The following CACNA1C variants were observed in gnomAD, a reference collection of about 807,000 sequenced individuals.
The protein encoded by CACNA1C is calcium voltage-gated channel subunit alpha1 C.
Under a neutral mutation model 229.0 loss-of-function variants are expected in CACNA1C, and 30 were observed. The ratio of observed to expected loss-of-function variants is 0.13; its 90% CI spans 0.10 to 0.18. CACNA1C has a LOEUF of 0.18. CACNA1C is among the 10% of genes least tolerant of loss of function. The pLI, the probability that CACNA1C is intolerant of heterozygous loss-of-function variation, is 1.00. For synonymous variants in CACNA1C, 1,114 were observed against 1,132.5 expected (o/e 0.98, Z 0.33); for missense variants, 1,658 against 2,845.0 (o/e 0.58, Z 9.49).
At position 2,467,985 on chromosome 12, in the gene CACNA1C, A is replaced by G. The variant is rs1251874494; in HGVS notation, c.757+10279A>G. ...CTGTGCAGCCCTGTGAGCTCCCAGC[A>G]TCCGAGACCTCTTGGAGAGGGACCC... On this transcript the variant is annotated intron_variant, in intron 5 of 46. Transcript: ENST00000399655. This position sits in a 1 kb window ranked among gnomAD's most constrained non-coding sequence, Gnocchi z 4.6. Among the ~76,000 whole-genome samples, 1 of 152,232 alleles carries G rather than the reference A, an allele frequency of 6.6e-6. No homozygotes were observed. Among genetic ancestry groups the G allele is most frequent in the Non-Finnish European group, 1.5e-5 (1 of 68,044 alleles).
chr12:2,557,899 ATG>A lies in CACNA1C; in HGVS notation c.1508+928_1508+929del, dbSNP rs1048947081. On this transcript the variant is annotated intron_variant, in intron 11 of 46. Coordinates refer to ENST00000399655, the MANE Select transcript of CACNA1C (RefSeq NM_000719.7). ...CCTGTCCAGTGGTGAACGTCCATAC[ATG>A]TGTGTTGAATGAATGAGTGGACAGA... is the stretch of plus-strand genomic sequence containing the variant. Among the ~76,000 whole-genome samples, 7 of 152,306 alleles carry A rather than the reference ATG, an allele frequency of 4.6e-5. No homozygotes were observed. In the East Asian group the frequency reaches 1.4e-3, roughly 29 times the overall value.
Position 2,633,820 on chromosome 12 carries a change from T to A in CACNA1C, c.3829-477T>A, listed in dbSNP as rs545251780. ...TGTTTACCTTCTTTTATGTTTTTTT[T>A]AATTTCCTGTTTTTACCCGCCTCCA... On this transcript the variant is annotated intron_variant, in intron 29 of 46. Coordinates refer to ENST00000399655, the MANE Select transcript of CACNA1C (RefSeq NM_000719.7). The surrounding 1 kb of genome is among the most constrained non-coding windows in gnomAD (Gnocchi z 5.8). 116 of 711,024 alleles carry A rather than the reference T, an allele frequency of 1.6e-4. No homozygotes were observed. Among genetic ancestry groups the A allele is most frequent in the Admixed American group, 3.0e-4 (11 of 37,190 alleles). The allele number at this position is 711,024 out of a possible 1,614,324, so 44.0% of individuals were successfully genotyped here. A position where few individuals can be genotyped will look rare whatever the true frequency, so the allele number is the denominator to read the frequency against.
intron 3 of CACNA1C, among the ~76,000 whole-genome samples, chr12:2,294,899 G>A (rs985593200): frequency 6.6e-6 from 1 of 152,106 alleles, no homozygotes; most frequent in African/African-American, 2.4e-5. Flanking sequence ...AGTCACATCT[G>A]CTCCAGTTGT....
chr12:2,077,501 G>A (rs555642030), intron 1 of CACNA1C, among the ~76,000 whole-genome samples: 1 of 152,218 alleles, frequency 6.6e-6, no homozygotes, highest in East Asian at 1.9e-4. Flanking sequence ...GTGTATGCCA[G>A]GCCTTATGTC....
At chr12:2,610,034 A>G (rs1018212477) in intron 27 of CACNA1C, among the ~76,000 whole-genome samples, 1 of 152,172 alleles carries the variant, frequency 6.6e-6, no homozygotes, top group Non-Finnish European at 1.5e-5. Context: ...CTGAGGCAGG[A>G]GAATCGCTTG....
chr12:1,993,091 A>G, intron 1 of CACNA1C: 1 of 854,688 alleles, frequency 1.2e-6, no homozygotes, highest in East Asian at 2.4e-5. Flanking sequence ...TCCAAGGAAG[A>G]ATCTATTCCA....
chr12:2,059,422 T>C (rs10161228), intron 1 of CACNA1C, among the ~76,000 whole-genome samples: 9,010 of 151,718 alleles, frequency 0.059, 318 homozygotes, highest in African/African-American at 0.093. Flanking sequence ...AGACCCTTCC[T>C]TCCCTGGAAG....
intron 9 of CACNA1C, among the ~76,000 whole-genome samples, chr12:2,540,094 C>T (rs935283426): frequency 2.6e-5 from 4 of 152,270 alleles, no homozygotes; most frequent in East Asian, 1.9e-4. Context: ...GGGGAGCGAA[C>T]GCCCCACCTC....
Position 2,666,932 on chromosome 12 carries a change from C to A in CACNA1C, c.4623+150C>A. 1 of 648,706 alleles carries A rather than the reference C, an allele frequency of 1.5e-6. No homozygotes were observed. Among genetic ancestry groups the A allele is most frequent in the Non-Finnish European group, 2.8e-6 (1 of 357,532 alleles). 40.2% of individuals were successfully genotyped at this position (648,706 alleles called of 1,614,324 possible). A position where few individuals can be genotyped will look rare whatever the true frequency, so the allele number is the denominator to read the frequency against. ...CCTTCCAGCTCTAAATTCTCAGACT[C>A]TATGAGGGAATAACAGAGTGAATGC... On this transcript the variant is annotated intron_variant, in intron 37 of 46. Coordinates refer to ENST00000399655, the MANE Select transcript of CACNA1C (RefSeq NM_000719.7). This position sits in a 1 kb window ranked among gnomAD's most constrained non-coding sequence, Gnocchi z 5.3.
intron 3 of CACNA1C, among the ~76,000 whole-genome samples, chr12:2,325,821 C>T (rs767296851): frequency 6.6e-6 from 1 of 152,232 alleles, no homozygotes; most frequent in African/African-American, 2.4e-5. Context: ...ACTCAGGCCA[C>T]GAGCTCTGCG....
At chr12:2,599,270 C>T (rs190277970) in intron 21 of CACNA1C, among the ~76,000 whole-genome samples, 2 of 152,294 alleles carry the variant, frequency 1.3e-5, no homozygotes, top group East Asian at 3.9e-4. Context: ...CGGAACACTC[C>T]CCTGTACCTC....
intron 3 of CACNA1C, among the ~76,000 whole-genome samples, chr12:2,314,499 A>G (rs933378082): frequency 2.0e-5 from 3 of 152,150 alleles, no homozygotes; most frequent in Non-Finnish European, 2.9e-5. Context: ...TGCCCCAACT[A>G]GTCACTGCCT....
intron 13 of CACNA1C, among the ~76,000 whole-genome samples, chr12:2,581,102 GA>G (rs1278248493): frequency 3.3e-5 from 5 of 152,010 alleles, no homozygotes; most frequent in South Asian, 2.1e-4. Context: ...CATGGTGGGG[GA>G]AAAAAAGCTT....
chr12:2,067,483 C>T lies in CACNA1C; in HGVS notation c.49+13872C>T, dbSNP rs866837613. Among the ~76,000 whole-genome samples the T allele has an allele frequency of 0.015, 484 of 31,468 alleles. 2 individuals are homozygous for T. Among genetic ancestry groups the T allele is most frequent in the African/African-American group, 0.035 (423 of 12,024 alleles). The allele number at this position is 31,468 out of a possible 152,430, so 20.6% of individuals were successfully genotyped here. A position where few individuals can be genotyped will look rare whatever the true frequency, so the allele number is the denominator to read the frequency against. ...GTGTGTGTGTGTGTGTGTGTGTGTG[C>T]GCGCGTGTGCGTGCCTGTATGTAAG... On this transcript the variant is annotated intron_variant, in intron 1 of 46. Coordinates refer to ENST00000399655, the MANE Select transcript of CACNA1C (RefSeq NM_000719.7). This position sits in a 1 kb window ranked among gnomAD's most constrained non-coding sequence, Gnocchi z 5.3.
intron 1 of CACNA1C, chr12:2,019,822 A>T (rs2046122938): frequency 6.6e-6 from 1 of 152,214 alleles, no homozygotes; most frequent in African/African-American, 2.4e-5. Context: ...TCCTGAAGAT[A>T]TCAGTGGTAG....
chr12:2,657,114 G>A (rs181029447), intron 34 of CACNA1C, among the ~76,000 whole-genome samples: 30 of 152,212 alleles, frequency 2.0e-4, no homozygotes, highest in Admixed American at 5.9e-4. Flanking sequence ...CAATTACTCA[G>A]GCTGTACTTC....
chr12:2,097,901 C>T (rs901831003), intron 1 of CACNA1C, among the ~76,000 whole-genome samples: 7 of 152,128 alleles, frequency 4.6e-5, no homozygotes, highest in East Asian at 1.9e-4. Flanking sequence ...GGGATGAGGC[C>T]GGCTGGAGAG....
At chr12:2,614,369 G>A (rs1376310354) in intron 29 of CACNA1C, 1 of 152,194 alleles carries the variant, frequency 6.6e-6, no homozygotes, top group African/African-American at 2.4e-5. Context: ...TTCCCTAAAG[G>A]GGCTCTGGCA....
chr12:2,297,661 C>T (rs1310709230), intron 3 of CACNA1C, among the ~76,000 whole-genome samples: 4 of 152,282 alleles, frequency 2.6e-5, no homozygotes, highest in African/African-American at 7.2e-5. Flanking sequence ...CATTCCATTG[C>T]GTCTTTGTGA....
Sources: allele counts gnomAD v4.1 joint callset (sites outside exome capture counted in the v4.1 genomes callset), GRCh38; gene constraint gnomAD v4.1.1; non-coding constraint Gnocchi (gnomAD v3.1); transcripts MANE v1.5; gene names NCBI Gene and HGNC (gene_info 2026-07-23, HGNC 2026-07-21).